ANK3: variants seen among roughly 807,000 people sequenced by gnomAD.
The protein encoded by ANK3 is ankyrin-3.
ANK3 carries 57 observed loss-of-function variants against 370.9 expected under a neutral mutation model. The observed-to-expected ratio is 0.15, with a 90% confidence interval of 0.12 to 0.19. ANK3 has a LOEUF of 0.19. ANK3 is among the 10% of genes least tolerant of loss of function. The pLI, the probability that ANK3 is intolerant of heterozygous loss-of-function variation, is 1.00. For synonymous variants in ANK3, 1,929 were observed against 1,946.3 expected (o/e 0.99, Z 0.23); for missense variants, 4,439 against 5,302.1 (o/e 0.84, Z 5.06).
At chr10:60,556,402 T>C (rs1461406200) in intron 2 of ANK3, among the ~76,000 whole-genome samples, 1 of 152,272 alleles carries the variant, frequency 6.6e-6, no homozygotes, top group African/African-American at 2.4e-5. Context: ...GTCTTCTCAG[T>C]TTTGCCACTG....
intron 2 of ANK3, among the ~76,000 whole-genome samples, chr10:60,517,128 G>T (rs1045612423): frequency 1.3e-5 from 2 of 152,014 alleles, no homozygotes; most frequent in African/African-American, 4.8e-5. Context: ...GCACTGGCGC[G>T]ATCTTGGCTC....
At chr10:60,101,612 T>C (rs979142830) in intron 28 of ANK3, among the ~76,000 whole-genome samples, 3 of 152,230 alleles carry the variant, frequency 2.0e-5, no homozygotes, top group African/African-American at 7.2e-5. Flanking sequence ...TCTTGTTGCA[T>C]GATACCTTAG....
chr10:60,226,789 C>T (rs189620857), intron 8 of ANK3, among the ~76,000 whole-genome samples: 14 of 145,630 alleles, frequency 9.6e-5, no homozygotes, highest in African/African-American at 3.5e-4. Context: ...TAATATACCA[C>T]TTTATGTATA....
Position 60,067,982 on chromosome 10 carries a change from T to A in ANK3, c.12272A>T (p.Asp4091Val). Residue 4091 changes from aspartate (D) to valine (V), a missense_variant, in exon 38 of 44, where the codon GAT becomes GTT. Coordinates refer to ENST00000280772, the MANE Select transcript of ANK3 (RefSeq NM_020987.5). ...ATCGGCTACTATTGCCATCCTGATA[T>A]CTGTCCGTTCACATGGACTCTGTGG... is the stretch of plus-strand genomic sequence containing the variant. ...TGPQSPCERT[D>V]IRMAIVADHL... 1 of 1,610,720 alleles carries A rather than the reference T, an allele frequency of 6.2e-7. No homozygotes were observed. The highest frequency in any genetic ancestry group is 8.5e-7 in the Non-Finnish European group (1 of 1,177,266).
At chr10:60,085,610 C>CTTTTTTTTTTTTTTTTTT (rs10601268) in intron 30 of ANK3, among the ~76,000 whole-genome samples, 1 of 109,922 alleles carries the variant, frequency 9.1e-6, no homozygotes, top group Non-Finnish European at 1.8e-5. Context: ...GTCTCTTACT[C>CTTTTTTTTTTTTTTTTTT]TTTTTTTTTT....
intron 2 of ANK3, among the ~76,000 whole-genome samples, chr10:60,440,657 G>A (rs1362154553): frequency 1.3e-5 from 2 of 152,132 alleles, no homozygotes; most frequent in East Asian, 1.9e-4. Context: ...ACAATGCAGA[G>A]TACTGAGACT....
chr10:60,717,792 T>C (rs1397659470), intron 1 of ANK3, among the ~76,000 whole-genome samples: 1 of 152,222 alleles, frequency 6.6e-6, no homozygotes, highest in Non-Finnish European at 1.5e-5. Context: ...GACTGAGAGA[T>C]TGACACCAAA....
At chr10:60,634,744 G>A (rs2078530004) in intron 1 of ANK3, among the ~76,000 whole-genome samples, 1 of 152,014 alleles carries the variant, frequency 6.6e-6, no homozygotes, top group Admixed American at 6.6e-5. Context: ...AACACTCACC[G>A]AGAAGGTCCG....
In ANK3 at chr10:60,066,058, CTT is replaced by C. The variant is rs545204975; in HGVS notation, c.12320-1772_12320-1771del. Among the ~76,000 whole-genome samples, 441 of 152,230 alleles carry C rather than the reference CTT, an allele frequency of 2.9e-3. 4 individuals carry two copies. Among genetic ancestry groups the C allele is most frequent in the African/African-American group, 0.01 (420 of 41,552 alleles). The stretch of plus-strand genomic sequence containing the variant: ...GAGGGACAGATATAAATTTTGTTCT[CTT>C]AAATGCTTAATATTCTTAATAATTA... On this transcript the variant is annotated intron_variant, in intron 38 of 43. Coordinates refer to ENST00000280772, the MANE Select transcript of ANK3 (RefSeq NM_020987.5).
intron 9 of ANK3, among the ~76,000 whole-genome samples, chr10:60,208,566 A>G (rs1386501833): frequency 6.6e-6 from 1 of 152,102 alleles, no homozygotes; most frequent in East Asian, 1.9e-4. Context: ...TCTGTTGCTC[A>G]GCTGGTCTCA....
chr10:60,254,634 T>A (rs2097711302), intron 7 of ANK3, among the ~76,000 whole-genome samples: 1 of 152,196 alleles, frequency 6.6e-6, no homozygotes, highest in Non-Finnish European at 1.5e-5. Context: ...GAATGCAAAG[T>A]CTCCTTGCTG....
At chr10:60,231,878 G>A (rs965308789) in intron 8 of ANK3, among the ~76,000 whole-genome samples, 2 of 152,122 alleles carry the variant, frequency 1.3e-5, no homozygotes, top group Admixed American at 6.5e-5. Context: ...AATACAGGAG[G>A]AATGTAAATC....
At position 60,733,202 on chromosome 10, in the gene ANK3, C is replaced by G. The variant is rs185421325; in HGVS notation, c.57+61G>C. On this transcript the variant is annotated intron_variant, in intron 1 of 43. Coordinates refer to the ANK3 transcript ENST00000373827. ...CCCCGGCCCGGGCCTCCCGCCCGCC[C>G]GGGTCCCCGCATGCCCCTGGGTGAA... The G allele has an allele frequency of 5.2e-4, 642 of 1,227,366 alleles. 2 individuals are homozygous for G. In the Admixed American group the frequency reaches 0.013, roughly 24 times the overall value. The allele number at this position is 1,227,366 out of a possible 1,614,324, so 76.0% of individuals were successfully genotyped here. A position where few individuals can be genotyped will look rare whatever the true frequency, so the allele number is the denominator to read the frequency against.
chr10:60,716,110 A>G (rs1443731125), intron 1 of ANK3, among the ~76,000 whole-genome samples: 1 of 152,196 alleles, frequency 6.6e-6, no homozygotes, highest in African/African-American at 2.4e-5. Context: ...TGAATATTAC[A>G]TGAAAATAAT....
intron 27 of ANK3, among the ~76,000 whole-genome samples, chr10:60,107,931 G>A (rs897839566): frequency 5.9e-5 from 9 of 152,098 alleles, no homozygotes; most frequent in African/African-American, 1.7e-4. Context: ...ACAAAAGCAC[G>A]AAGTTATGAA....
At chr10:60,255,144 C>A (rs562040389) in intron 7 of ANK3, among the ~76,000 whole-genome samples, 2 of 152,126 alleles carry the variant, frequency 1.3e-5, no homozygotes, top group Admixed American at 6.6e-5. Context: ...TAAATTATAA[C>A]TTAAAAAATC....
chr10:60,299,480 C>T (rs1182464741), intron 1 of ANK3, among the ~76,000 whole-genome samples: 1 of 152,096 alleles, frequency 6.6e-6, no homozygotes, highest in African/African-American at 2.4e-5. Flanking sequence ...AATGTTTAAA[C>T]ACAATATTCA....
In ANK3 at chr10:60,027,306, T is replaced by TAAA. The variant is rs2072453472; in HGVS notation, c.*2539_*2540insTTT. ...GGAAAGTTTTTTTTTTTTTTTTTTT[T>TAAA]TAAAAAAAAAACCTCTCAAGGGTCT... is the stretch of plus-strand genomic sequence containing the variant. On this transcript the variant is annotated 3_prime_UTR_variant, in exon 44 of 44. Transcript: ENST00000280772. 3 of 148,924 alleles carry TAAA rather than the reference T, an allele frequency of 2.0e-5. No homozygotes were observed. The highest frequency in any genetic ancestry group is 4.5e-5 in the Non-Finnish European group (3 of 67,188). The allele number at this position is 148,924 out of a possible 1,614,324, so 9.2% of individuals were successfully genotyped here.
At chr10:60,103,724 CT>C (rs370752219) in intron 28 of ANK3, among the ~76,000 whole-genome samples, 105 of 152,280 alleles carry the variant, frequency 6.9e-4, no homozygotes, top group African/African-American at 2.4e-3. Flanking sequence ...GACTCCAGTA[CT>C]TGATTCTTTA....
Sources: gnomAD v4.1 joint callset for allele counts (sites outside exome capture counted in the v4.1 genomes callset) on GRCh38, gnomAD v4.1.1 for gene constraint, MANE v1.5 for transcripts, NCBI Gene and HGNC (gene_info 2026-07-23, HGNC 2026-07-21) for gene names.